Variants in TMEM132D observed in about 807,000 individuals in gnomAD.
The protein encoded by TMEM132D is mature OL transmembrane protein.
Under a neutral mutation model 62.3 loss-of-function variants are expected in TMEM132D, and 21 were observed. The observed-to-expected ratio is 0.34, with a 90% CI of 0.24 to 0.49. The LOEUF (loss-of-function observed/expected upper bound fraction) is 0.49, where lower values mean the gene tolerates loss of function less well. TMEM132D is among the 20% of genes least tolerant of loss of function. The probability of loss-of-function intolerance (pLI) is 0.99; values close to 1 mark genes in which losing one functional copy is unlikely to be tolerated. For missense variants in TMEM132D, 1,346 were observed against 1,402.8 expected, an observed-to-expected ratio of 0.96 and a Z score of 0.65; for synonymous variants, 621 against 575.6, an observed-to-expected ratio of 1.08 and a Z score of -1.13.
intron 3 of TMEM132D, among the ~76,000 whole-genome samples, chr12:129,404,846 A>G (rs1005684359): frequency 1.3e-5 from 2 of 152,162 alleles, no homozygotes; most frequent in Non-Finnish European, 2.9e-5. Context: ...ACTAGGGATC[A>G]CATTTCAACA....
At chr12:129,847,854 A>G (rs1464884720) in intron 1 of TMEM132D, among the ~76,000 whole-genome samples, 1 of 152,020 alleles carries the variant, frequency 6.6e-6, no homozygotes, top group Non-Finnish European at 1.5e-5. Flanking sequence ...CGGAACCCCA[A>G]GGTTGCCACG....
chr12:129,294,180 A>G (rs1468419332), intron 4 of TMEM132D, among the ~76,000 whole-genome samples: 3 of 152,228 alleles, frequency 2.0e-5, no homozygotes, highest in African/African-American at 7.2e-5. Context: ...CCATGTTTTT[A>G]CCATGATTCA....
At chr12:129,254,903 C>G (rs985165070) in intron 4 of TMEM132D, among the ~76,000 whole-genome samples, 3 of 152,210 alleles carry the variant, frequency 2.0e-5, no homozygotes, top group Admixed American at 6.5e-5. Context: ...ATCTGTGTCC[C>G]CAACCAAATC....
intron 3 of TMEM132D, among the ~76,000 whole-genome samples, chr12:129,493,524 G>A (rs891391152): frequency 5.9e-5 from 9 of 152,160 alleles, no homozygotes; most frequent in African/African-American, 1.2e-4. Context: ...TTGTAGGTCT[G>A]TACAATAAAT....
rs563039403 is a variant in TMEM132D, at chr12:129,687,589, G to T, written c.968+12221C>A. Among the ~76,000 whole-genome samples the T allele has an allele frequency of 6.0e-4, 92 of 152,136 alleles. 1 individual carries two copies. The highest frequency in any genetic ancestry group is 2.1e-3 in the African/African-American group (86 of 41,514). On this transcript the variant is annotated intron_variant, in intron 2 of 8. Transcript: ENST00000422113. Reference sequence around the variant, plus strand: ...GGGGGTGAAAATGTGACTTAAGCTTGCCCAGAGGACATTTTTTTCCTAGCA... The same window carrying T: ...GGGGGTGAAAATGTGACTTAAGCTTTCCCAGAGGACATTTTTTTCCTAGCA...
At chr12:129,690,551 T>C (rs1881039457) in intron 2 of TMEM132D, among the ~76,000 whole-genome samples, 1 of 152,118 alleles carries the variant, frequency 6.6e-6, no homozygotes, top group Non-Finnish European at 1.5e-5. Context: ...TTTACATAAA[T>C]TCCAGACAAA....
intron 1 of TMEM132D, chr12:129,852,687 T>C (rs1873586343): frequency 6.6e-6 from 1 of 152,106 alleles, no homozygotes; most frequent in African/African-American, 2.4e-5. Flanking sequence ...TCTCTGGAGA[T>C]GGGGAAGGAG....
intron 2 of TMEM132D, among the ~76,000 whole-genome samples, chr12:129,684,504 T>C (rs769489084): frequency 1.3e-5 from 2 of 152,090 alleles, no homozygotes; most frequent in Non-Finnish European, 2.9e-5. Context: ...GGTAGTTCTT[T>C]ATAGCAGTGT....
At chr12:129,239,097 A>G in intron 4 of TMEM132D, among the ~76,000 whole-genome samples, 1 of 149,478 alleles carries the variant, frequency 6.7e-6, no homozygotes, top group East Asian at 1.9e-4. Flanking sequence ...GATGTTGACC[A>G]TCTTTTCACG....
intron 4 of TMEM132D, among the ~76,000 whole-genome samples, chr12:129,240,187 T>G (rs961706771): frequency 2.0e-5 from 3 of 152,222 alleles, no homozygotes; most frequent in Non-Finnish European, 4.4e-5. Context: ...GCTAAAGTTT[T>G]GTTGTGTATC....
intron 5 of TMEM132D, among the ~76,000 whole-genome samples, chr12:129,095,118 C>T (rs1017575312): frequency 3.3e-5 from 5 of 151,436 alleles, no homozygotes; most frequent in South Asian, 2.1e-4. Context: ...ACCAACATGG[C>T]GCATGTATAC....
At chr12:129,255,760 G>A (rs1880383437) in intron 4 of TMEM132D, among the ~76,000 whole-genome samples, 2 of 152,136 alleles carry the variant, frequency 1.3e-5, no homozygotes, top group Admixed American at 6.5e-5. Flanking sequence ...AGCATTTCCA[G>A]ATTCTACATT....
intron 4 of TMEM132D, among the ~76,000 whole-genome samples, chr12:129,274,823 C>G (rs1392121069): frequency 6.6e-6 from 1 of 152,144 alleles, no homozygotes; most frequent in Non-Finnish European, 1.5e-5. Context: ...GGAGGCGGAG[C>G]TTGCAGTGAG....
chr12:129,288,106 C>T (rs1355596134), intron 4 of TMEM132D, among the ~76,000 whole-genome samples: 1 of 152,170 alleles, frequency 6.6e-6, no homozygotes, highest in Non-Finnish European at 1.5e-5. Flanking sequence ...CATTATCGTG[C>T]ACCATGCACA....
intron 4 of TMEM132D, among the ~76,000 whole-genome samples, chr12:129,308,717 G>A (rs755147673): frequency 6.6e-6 from 1 of 152,126 alleles, no homozygotes; most frequent in African/African-American, 2.4e-5. Flanking sequence ...ATGGTAAATG[G>A]ATTTATTAAC....
At chr12:129,458,054 C>A (rs138253243) in intron 3 of TMEM132D, among the ~76,000 whole-genome samples, 1 of 152,280 alleles carries the variant, frequency 6.6e-6, no homozygotes, top group Admixed American at 6.5e-5. Flanking sequence ...CTCTGATGAG[C>A]CTCTGATAAT....
chr12:129,116,888 G>A (rs1241816759), intron 5 of TMEM132D, among the ~76,000 whole-genome samples: 1 of 121,500 alleles, frequency 8.2e-6, no homozygotes, highest in Non-Finnish European at 1.6e-5. Flanking sequence ...GTCCTCCTTG[G>A]CATTTACCCA....
chr12:129,629,554 C>T (rs1879303742), intron 2 of TMEM132D, among the ~76,000 whole-genome samples: 1 of 152,240 alleles, frequency 6.6e-6, no homozygotes, highest in African/African-American at 2.4e-5. Context: ...CCATGATGTC[C>T]GTCTTCCACA....
At chr12:129,166,774 T>C (rs1000302330) in intron 5 of TMEM132D, among the ~76,000 whole-genome samples, 15 of 10,976 alleles carry the variant, frequency 1.4e-3, no homozygotes, top group Middle Eastern at 0.056. Context: ...TATATATATA[T>C]ACATATATAT....
Sources: allele counts gnomAD v4.1 joint callset (sites outside exome capture counted in the v4.1 genomes callset), GRCh38; gene constraint gnomAD v4.1.1; transcripts MANE v1.5; gene names NCBI Gene and HGNC (gene_info 2026-07-23, HGNC 2026-07-21).